Variants in STX8 observed in about 807,000 individuals in gnomAD.
STX8 encodes syntaxin-8.
Under a neutral mutation model 37.5 loss-of-function variants are expected in STX8, and 23 were observed. The ratio of observed to expected loss-of-function variants is 0.61; its 90% confidence interval spans 0.44 to 0.87. The LOEUF is 0.87. Ranked by LOEUF, STX8 falls within the 40% of genes least tolerant of loss-of-function variation. The probability of loss-of-function intolerance (pLI) is 0.00; values close to 1 mark genes in which losing one functional copy is unlikely to be tolerated. For missense variants in STX8, 313 were observed against 284.7 expected (o/e 1.10, Z -0.71); for synonymous variants, 115 against 99.1 (o/e 1.16, Z -0.95).
chr17:9,514,992 C>T (rs1386108252), intron 4 of STX8, among the ~76,000 whole-genome samples: 3 of 152,110 alleles, frequency 2.0e-5, no homozygotes, highest in Non-Finnish European at 4.4e-5. Flanking sequence ...ATTCCAAAAA[C>T]ATTTACTTCG....
chr17:9,480,989 A>C (rs1325844986), intron 6 of STX8, among the ~76,000 whole-genome samples: 2 of 151,886 alleles, frequency 1.3e-5, no homozygotes, highest in Non-Finnish European at 2.9e-5. Flanking sequence ...GGTTCATGCC[A>C]TTCTCCTGCC....
intron 6 of STX8, among the ~76,000 whole-genome samples, chr17:9,380,330 C>G (rs1244874376): frequency 6.9e-6 from 1 of 145,870 alleles, no homozygotes; most frequent in Non-Finnish European, 1.5e-5. Flanking sequence ...ACCACAATAG[C>G]TCACTGCAGT....
intron 7 of STX8, among the ~76,000 whole-genome samples, chr17:9,298,118 C>T (rs1395483133): frequency 2.6e-5 from 4 of 151,588 alleles, no homozygotes; most frequent in Non-Finnish European, 5.9e-5. Flanking sequence ...CCTCCTCCTC[C>T]GTTCCCATTT....
chr17:9,484,223 T>C (rs929159802), intron 6 of STX8, among the ~76,000 whole-genome samples: 3 of 152,074 alleles, frequency 2.0e-5, no homozygotes, highest in Admixed American at 6.6e-5. Context: ...ATGAATAGAA[T>C]AGAGTGCCTC....
At chr17:9,502,914 C>A (rs1378672541) in intron 5 of STX8, among the ~76,000 whole-genome samples, 2 of 151,776 alleles carry the variant, frequency 1.3e-5, no homozygotes, top group Non-Finnish European at 2.9e-5. Context: ...ACCAGCCTGG[C>A]CAGCATGGTG....
chr17:9,489,206 G>A (rs977122928), intron 6 of STX8, among the ~76,000 whole-genome samples: 1 of 152,064 alleles, frequency 6.6e-6, no homozygotes, highest in African/African-American at 2.4e-5. Flanking sequence ...TAAACTGGTG[G>A]TAATTTGTTA....
rs536883769 is a variant in STX8 at position 9,320,946 on chromosome 17, CA to C, written c.643+57605del. Among the ~76,000 whole-genome samples the C allele has an allele frequency of 4.5e-3, 390 of 87,178 alleles. 3 individuals are homozygous for C. Among genetic ancestry groups the C allele is most frequent in the South Asian group, 0.018 (50 of 2,708 alleles). The allele number at this position is 87,178 out of a possible 152,430, so 57.2% of individuals were successfully genotyped here. A position where few individuals can be genotyped will look rare whatever the true frequency, so the allele number is the denominator to read the frequency against. The stretch of plus-strand genomic sequence containing the variant: ...TTAATTGTGATCCCAACGGGGCCTC[CA>C]AAAAAAAAAAAAAACTTAACTCTAG... On this transcript the variant is annotated intron_variant, in intron 7 of 7. Transcript: ENST00000306357.
intron 6 of STX8, among the ~76,000 whole-genome samples, chr17:9,463,889 C>T (rs767199420): frequency 4.3e-5 from 6 of 138,582 alleles, no homozygotes; most frequent in South Asian, 4.6e-4. Context: ...GCCTGGGCAA[C>T]AAGAGTGAAA....
chr17:9,339,070 C>CAAAAAAAAAAAAAAAAAAAAAAAAA (rs34987749), intron 7 of STX8, among the ~76,000 whole-genome samples: 5 of 70,022 alleles, frequency 7.1e-5, no homozygotes, highest in African/African-American at 3.2e-4. Context: ...GACTCCGTCT[C>CAAAAAAAAAAAAAAAAAAAAAAAAA]AAAAAAAAAA....
At chr17:9,438,914 G>A (rs1904540905) in intron 6 of STX8, among the ~76,000 whole-genome samples, 1 of 152,124 alleles carries the variant, frequency 6.6e-6, no homozygotes, top group African/African-American at 2.4e-5. Flanking sequence ...AGGTGACAGA[G>A]CGAGACTCCA....
chr17:9,541,729 G>A (rs1906284959), intron 4 of STX8, among the ~76,000 whole-genome samples: 1 of 151,812 alleles, frequency 6.6e-6, no homozygotes, highest in Non-Finnish European at 1.5e-5. Context: ...TTAGAATCTT[G>A]AACCCTCTGA....
intron 6 of STX8, among the ~76,000 whole-genome samples, chr17:9,416,218 T>C (rs911685790): frequency 6.6e-6 from 1 of 152,196 alleles, no homozygotes; most frequent in Non-Finnish European, 1.5e-5. Context: ...CCAACTTAAT[T>C]GGACTAGGGT....
At chr17:9,306,787 A>C (rs1367662221) in intron 7 of STX8, among the ~76,000 whole-genome samples, 1 of 151,816 alleles carries the variant, frequency 6.6e-6, no homozygotes, top group Non-Finnish European at 1.5e-5. Flanking sequence ...AAACAAAAAC[A>C]AATAAGGAAT....
intron 1 of STX8, among the ~76,000 whole-genome samples, chr17:9,570,358 A>G (rs970810266): frequency 6.6e-6 from 1 of 152,040 alleles, no homozygotes; most frequent in African/African-American, 2.4e-5. Flanking sequence ...CTGAGAGAGG[A>G]TCCTGAACCA....
At chr17:9,379,105 T>A (rs145651813) in intron 6 of STX8, among the ~76,000 whole-genome samples, 211 of 151,536 alleles carry the variant, frequency 1.4e-3, no homozygotes, top group African/African-American at 4.9e-3. Flanking sequence ...ATTAGCCGGG[T>A]GTGGTGGTGT....
intron 5 of STX8, among the ~76,000 whole-genome samples, chr17:9,504,589 C>G (rs1330425712): frequency 3.3e-5 from 5 of 151,970 alleles, no homozygotes; most frequent in Non-Finnish European, 7.4e-5. Flanking sequence ...GTCTATTCCT[C>G]AGGTATCCTG....
chr17:9,490,052 A>G (rs1441152443), intron 6 of STX8, among the ~76,000 whole-genome samples: 10 of 152,204 alleles, frequency 6.6e-5, no homozygotes, highest in Admixed American at 3.9e-4. Context: ...ACTGAATTAT[A>G]TGCAAATACA....
chr17:9,474,551 A>G (rs1309662347), intron 6 of STX8, among the ~76,000 whole-genome samples: 1 of 152,112 alleles, frequency 6.6e-6, no homozygotes, highest in East Asian at 1.9e-4. Flanking sequence ...TTCAATTCTG[A>G]CATTACCCAG....
At chr17:9,520,780 T>C (rs1230223877) in intron 4 of STX8, among the ~76,000 whole-genome samples, 1 of 152,228 alleles carries the variant, frequency 6.6e-6, no homozygotes, top group Non-Finnish European at 1.5e-5. Context: ...ATCAACTGAA[T>C]ACAGAATTGA....
Sources: allele counts gnomAD v4.1 joint callset (sites outside exome capture counted in the v4.1 genomes callset), GRCh38; gene constraint gnomAD v4.1.1; transcripts MANE v1.5; gene names NCBI Gene and HGNC (gene_info 2026-07-23, HGNC 2026-07-21).